TICAM2: variants seen among roughly 807,000 people sequenced by gnomAD.
The protein encoded by TICAM2 is TIR domain containing adaptor molecule 2, also known as TIR domain-containing adapter molecule 2.
A neutral mutation model predicts 7.3 loss-of-function variants in TICAM2; 8 were observed. The observed-to-expected ratio is 1.10, with a 90% CI of 0.65 to 1.99. TICAM2 has a LOEUF of 1.99. Ranked by LOEUF, TICAM2 falls within the 30% of genes most tolerant of loss-of-function variation. TICAM2 has a pLI of 0.00. For synonymous variants in TICAM2, 113 were observed against 99.6 expected, an observed-to-expected ratio of 1.13 and a Z score of -0.80; for missense variants, 304 against 278.8, an observed-to-expected ratio of 1.09 and a Z score of -0.65.
At chr5:115,585,739 G>A (rs1755078825) in intron 1 of TICAM2, among the ~76,000 whole-genome samples, 1 of 152,212 alleles carries the variant, frequency 6.6e-6, no homozygotes, top group Admixed American at 6.5e-5. Context: ...AGATAAGCGA[G>A]AGCAGAAGCC....
chr5:115,597,678 T>C (rs552568845), intron 1 of TICAM2, among the ~76,000 whole-genome samples: 3 of 152,312 alleles, frequency 2.0e-5, no homozygotes, highest in Admixed American at 1.3e-4. Context: ...CGTCTCTTGG[T>C]ATACTTAAGG....
At chr5:115,596,017 A>C (rs1418920856) in intron 1 of TICAM2, among the ~76,000 whole-genome samples, 2 of 152,182 alleles carry the variant, frequency 1.3e-5, no homozygotes, top group Admixed American at 6.5e-5. Flanking sequence ...TCATTTTCCC[A>C]GACTTCTCCA....
At position 115,579,117 on chromosome 5, in the gene TICAM2, T is replaced by C. The variant is rs1001351101; in HGVS notation, c.*1432A>G. On this transcript the variant is annotated 3_prime_UTR_variant, in exon 2 of 2. Coordinates refer to ENST00000427199, the MANE Select transcript of TICAM2 (RefSeq NM_021649.7). ...AAGCCTGAGTAAGCATGTATATTTT[T>C]TTCCTGTGACTTTAAGTGTAATGAC... 2.7e-4 allele frequency: 41 copies of C among 152,796 alleles called. No individual in the cohort carries two copies. Among genetic ancestry groups the C allele is most frequent in the Admixed American group, 2.7e-3 (41 of 15,310 alleles). The allele number at this position is 152,796 out of a possible 1,614,324, so 9.5% of individuals were successfully genotyped here.
intron 1 of TICAM2, among the ~76,000 whole-genome samples, chr5:115,595,611 C>T (rs1172013806): frequency 2.0e-5 from 3 of 152,022 alleles, no homozygotes; most frequent in Admixed American, 6.5e-5. Flanking sequence ...CTTAAAGATC[C>T]CTTTGATAAT....
intron 1 of TICAM2, among the ~76,000 whole-genome samples, chr5:115,584,508 T>C (rs549177860): frequency 6.6e-6 from 1 of 152,232 alleles, no homozygotes; most frequent in Non-Finnish European, 1.5e-5. Flanking sequence ...GCATTTCATA[T>C]GTGTGCAAGT....
In TICAM2 at chr5:115,581,292, T is replaced by C; in HGVS notation, c.-36A>G. 1.2e-6 allele frequency: 2 copies of C among 1,600,728 alleles called. No homozygotes were observed. The highest frequency in any genetic ancestry group is 1.7e-6 in the Non-Finnish European group (2 of 1,179,750). ...CAAGGCAGAAGAGGAAAACTTTATG[T>C]ATTTCTCAGCATTTCTTTTCAATCT... On this transcript the variant is annotated 5_prime_UTR_variant, in exon 2 of 2. In the 5' UTR this introduces an upstream ATG that the reference lacks. Coordinates refer to ENST00000427199, the MANE Select transcript of TICAM2 (RefSeq NM_021649.7).
chr5:115,596,797 T>G (rs989051349), intron 1 of TICAM2, among the ~76,000 whole-genome samples: 5 of 152,158 alleles, frequency 3.3e-5, no homozygotes, highest in Non-Finnish European at 1.5e-5. Flanking sequence ...CGGGTGCCTG[T>G]AGTCCCAGCT....
At chr5:115,585,880 A>G (rs1755084779) in intron 1 of TICAM2, among the ~76,000 whole-genome samples, 2 of 152,226 alleles carry the variant, frequency 1.3e-5, no homozygotes, top group African/African-American at 4.8e-5. Context: ...AACACTAGTT[A>G]GGAGTCTGTT....
At chr5:115,592,682 T>C (rs771259635) in intron 1 of TICAM2, among the ~76,000 whole-genome samples, 2 of 151,992 alleles carry the variant, frequency 1.3e-5, no homozygotes, top group Non-Finnish European at 2.9e-5. Flanking sequence ...CAAGAACTGA[T>C]GCGAATATTA....
intron 1 of TICAM2, chr5:115,581,944 A>G (rs139336209): frequency 6.6e-6 from 1 of 152,328 alleles, no homozygotes; most frequent in East Asian, 1.9e-4. Flanking sequence ...AATAAATTAT[A>G]ATAAGAGTGT....
At position 115,580,736 on chromosome 5, in the gene TICAM2, C is replaced by A. The variant is rs201750391; in HGVS notation, c.521G>T (p.Arg174Leu). Residue 174 changes from arginine (R) to leucine (L), a missense_variant, in exon 2 of 2, where the codon CGG (arginine) becomes CTG (leucine). Physicochemically the swap from Arg to Leu is moderately radical, Grantham distance 102 (BLOSUM62 -2). Coordinates refer to ENST00000427199, the MANE Select transcript of TICAM2 (RefSeq NM_021649.7). Reference protein sequence around the residue: ...QHKYNSVIPMRPLNNPLPRER... With the variant: ...QHKYNSVIPMLPLNNPLPRER... ...TCGGGGAAGGGGATTGTTCAGGGGC[C>A]GCATGGGTATAACAGAGTTGTATTT... 1.8e-5 allele frequency: 29 copies of A among 1,601,602 alleles called. No individual in the cohort carries two copies. Among genetic ancestry groups the A allele is most frequent in the Non-Finnish European group, 2.0e-5 (23 of 1,174,956 alleles).
At chr5:115,591,333 T>G (rs1265951052) in intron 1 of TICAM2, among the ~76,000 whole-genome samples, 1 of 152,164 alleles carries the variant, frequency 6.6e-6, no homozygotes, top group Non-Finnish European at 1.5e-5. Flanking sequence ...CTCCCAGGAA[T>G]GGAAGCATTC....
rs568136006 is a variant in TICAM2, at chr5:115,580,978, G to A, written c.279C>T (p.Ala93=). The change falls in exon 2 of 2, where the codon GCC becomes GCT. Residue 93 remains alanine, a synonymous_variant. Transcript: ENST00000427199. ...ILHAEDDTDE[A]LRVQNLLQDD... ...CTTGTAGCAGATTCTGGACTCTGAG[G>A]GCTTCATCTGTGTCATCTTCTGCAT... The A allele has an allele frequency of 1.2e-6, 2 of 1,613,738 alleles. No individual in the cohort carries two copies. The highest frequency in any genetic ancestry group is 4.5e-5 in the East Asian group (2 of 44,886).
chr5:115,593,017 C>G (rs778962127), intron 1 of TICAM2, among the ~76,000 whole-genome samples: 2 of 152,174 alleles, frequency 1.3e-5, no homozygotes, highest in Non-Finnish European at 2.9e-5. Context: ...GTGCCGCATG[C>G]CTGTAATCCC....
chr5:115,598,499 C>G (rs1755595217), intron 1 of TICAM2, among the ~76,000 whole-genome samples: 1 of 152,188 alleles, frequency 6.6e-6, no homozygotes, highest in Admixed American at 6.5e-5. Context: ...CGATCTTCAC[C>G]TGGGCACTGC....
intron 1 of TICAM2, among the ~76,000 whole-genome samples, chr5:115,586,403 T>A (rs1580408713): frequency 7.4e-6 from 1 of 135,510 alleles, no homozygotes; most frequent in Non-Finnish European, 1.6e-5. Flanking sequence ...AACCATTAAT[T>A]AAGGTAGAGT....
intron 1 of TICAM2, among the ~76,000 whole-genome samples, chr5:115,595,755 A>G (rs955383985): frequency 1.3e-5 from 2 of 152,130 alleles, no homozygotes; most frequent in African/African-American, 2.4e-5. Context: ...CCACCTATTT[A>G]CGGTTTTCCC....
chr5:115,584,137 C>A (rs1277125864), intron 1 of TICAM2, among the ~76,000 whole-genome samples: 1 of 152,134 alleles, frequency 6.6e-6, no homozygotes, highest in Non-Finnish European at 1.5e-5. Flanking sequence ...CACTGTTTCT[C>A]TATGAATATA....
At chr5:115,584,528 G>A (rs1755035475) in intron 1 of TICAM2, among the ~76,000 whole-genome samples, 1 of 152,150 alleles carries the variant, frequency 6.6e-6, no homozygotes, top group African/African-American at 2.4e-5. Flanking sequence ...TTTATCTATA[G>A]AACAATTCCC....
Sources: allele counts gnomAD v4.1 joint callset (sites outside exome capture counted in the v4.1 genomes callset), GRCh38; gene constraint gnomAD v4.1.1; transcripts MANE v1.5; gene names NCBI Gene and HGNC (gene_info 2026-07-23, HGNC 2026-07-21).